The following GRAMD2B variants were observed in gnomAD, a reference collection of about 807,000 sequenced individuals.
GRAMD2B encodes GRAM domain-containing protein 2B.
GRAMD2B carries 41 observed loss-of-function variants against 59.2 expected under a neutral mutation model. That is an observed-to-expected ratio of 0.69 (90% confidence interval 0.54 to 0.90). The LOEUF (loss-of-function observed/expected upper bound fraction) is 0.90, where lower values mean the gene tolerates loss of function less well. GRAMD2B is among the 40% of genes least tolerant of loss of function. The probability of loss-of-function intolerance (pLI) is 0.00; values close to 1 mark genes in which losing one functional copy is unlikely to be tolerated. For missense variants in GRAMD2B, 424 were observed against 500.5 expected (o/e 0.85, Z 1.46); for synonymous variants, 161 against 182.7 (o/e 0.88, Z 0.96).
chr5:126,410,576 A>C lies in GRAMD2B; in HGVS notation c.125+39009A>C, dbSNP rs111603015. 4.9e-3 allele frequency among the ~76,000 whole-genome samples: 750 copies of C among 152,238 alleles called. 13 individuals are homozygous for C. The highest frequency in any genetic ancestry group is 0.017 in the African/African-American group (723 of 41,538). ...CTTTGCTGCAGTTGCTTATCAGCTG[A>C]AGGAGATTTTGGGCTGAAACAATGG... On this transcript the variant is annotated intron_variant, in intron 1 of 8. Transcript: ENST00000506445.
intron 1 of GRAMD2B, among the ~76,000 whole-genome samples, chr5:126,385,218 C>T (rs1338089226): frequency 6.6e-6 from 1 of 151,996 alleles, no homozygotes; most frequent in Non-Finnish European, 1.5e-5. Flanking sequence ...ATACCGCAGG[C>T]CTTATGATTC....
In GRAMD2B at chr5:126,473,309, C is replaced by T; in HGVS notation, c.427C>T (p.Leu143Phe). ...LQKEILYQGK[L>F]FVSENWICFH... Reference sequence around the variant, plus strand: ...GAAAGAAATACTATACCAAGGAAAGCTCTTTGTATCAGAAAACTGGATTTG... The same window carrying T: ...GAAAGAAATACTATACCAAGGAAAGTTCTTTGTATCAGAAAACTGGATTTG... The change falls in exon 5 of 14, where the codon CTC (leucine) becomes TTC (phenylalanine). Residue 143 changes from leucine (L) to phenylalanine (F), a missense_variant. Leu to Phe is a conservative substitution (Grantham distance 22). Coordinates refer to ENST00000285689, the MANE Select transcript of GRAMD2B (RefSeq NM_023927.4). The T allele has an allele frequency of 1.9e-6, 3 of 1,543,106 alleles. No homozygotes were observed. The highest frequency in any genetic ancestry group is 2.6e-6 in the Non-Finnish European group (3 of 1,140,406).
chr5:126,483,417 T>G, intron 8 of GRAMD2B, 46 bp from the exon 9 acceptor site: 1 of 1,203,764 alleles, frequency 8.3e-7, no homozygotes, highest in Non-Finnish European at 1.2e-6. Context: ...CCTGCCTGTT[T>G]ACTAAGGGAA....
intron 13 of GRAMD2B, among the ~76,000 whole-genome samples, chr5:126,489,916 T>C (rs1289053272): frequency 1.3e-5 from 2 of 152,216 alleles, no homozygotes; most frequent in Admixed American, 6.5e-5. Context: ...AAATACAAAT[T>C]AGTAAAATTT....
intron 12 of GRAMD2B, among the ~76,000 whole-genome samples, chr5:126,487,613 T>G (rs1773190497): frequency 6.6e-6 from 1 of 152,230 alleles, no homozygotes; most frequent in African/African-American, 2.4e-5. Flanking sequence ...AGCCCAAGTT[T>G]TTGAAGTAGA....
intron 1 of GRAMD2B, among the ~76,000 whole-genome samples, chr5:126,443,813 G>T (rs1763697208): frequency 1.3e-5 from 2 of 152,212 alleles, no homozygotes; most frequent in Non-Finnish European, 1.5e-5. Flanking sequence ...ACTTTGGGAG[G>T]CTGAGGCAGG....
chr5:126,456,371 C>T (rs933684033), intron 1 of GRAMD2B, among the ~76,000 whole-genome samples: 1 of 136,452 alleles, frequency 7.3e-6, no homozygotes. Context: ...CCACCATACC[C>T]GGCTAAATTT....
At chr5:126,386,982 T>G (rs979900509) in intron 1 of GRAMD2B, among the ~76,000 whole-genome samples, 2 of 152,224 alleles carry the variant, frequency 1.3e-5, no homozygotes, top group African/African-American at 4.8e-5. Context: ...ATATATTCTT[T>G]TATAACCTAG....
chr5:126,368,643 C>T (rs187490427), upstream of GRAMD2B, among the ~76,000 whole-genome samples: 1 of 152,318 alleles, frequency 6.6e-6, no homozygotes, highest in Admixed American at 6.5e-5. Flanking sequence ...TTACCACTCT[C>T]TGCTGGCTTC....
intron 1 of GRAMD2B, among the ~76,000 whole-genome samples, chr5:126,462,930 A>G (rs540872807): frequency 6.6e-6 from 1 of 152,364 alleles, no homozygotes; most frequent in Admixed American, 6.5e-5. Context: ...CATCCTTGAA[A>G]GACATTGTTT....
chr5:126,481,026 T>C (rs923106471), intron 8 of GRAMD2B: 21 of 348,784 alleles, frequency 6.0e-5, no homozygotes, highest in East Asian at 4.1e-4. Context: ...GATTCACAAA[T>C]CTATTTGAGG....
Position 126,473,379 on chromosome 5 carries a change from T to TA in GRAMD2B, c.486+11_486+12insA. 9.0e-7 allele frequency: 1 copy of TA among 1,110,530 alleles called. No individual in the cohort carries two copies. Among genetic ancestry groups the TA allele is most frequent in the Non-Finnish European group, 1.3e-6 (1 of 771,710 alleles). The allele number at this position is 1,110,530 out of a possible 1,614,324, so 68.8% of individuals were successfully genotyped here. A position where few individuals can be genotyped will look rare whatever the true frequency, so the allele number is the denominator to read the frequency against. On this transcript the variant is annotated intron_variant, in intron 5 of 13. Coordinates refer to ENST00000285689, the MANE Select transcript of GRAMD2B (RefSeq NM_023927.4). Reference sequence around the variant, plus strand: ...GGAAAAGACACAAAGGTTGGTATAATTAAAAAAAAAAATGCTAACCCTATA... The same window carrying TA: ...GGAAAAGACACAAAGGTTGGTATAATATAAAAAAAAAAATGCTAACCCTATA...
rs1770073696 is a variant in GRAMD2B, at chr5:126,473,829, C to G, written c.486+461C>G. Reference sequence around the variant, plus strand: ...GGCCTATAAATAAGCTACTTATTAGCACTCCCTTTGTACCCTCACCAGCAC... The same window carrying G: ...GGCCTATAAATAAGCTACTTATTAGGACTCCCTTTGTACCCTCACCAGCAC... On this transcript the variant is annotated intron_variant, in intron 5 of 13. Coordinates refer to ENST00000285689, the MANE Select transcript of GRAMD2B (RefSeq NM_023927.4). Among the ~76,000 whole-genome samples the G allele has an allele frequency of 2.0e-5, 3 of 152,274 alleles. No individual in the cohort carries two copies. In the South Asian group the frequency reaches 6.2e-4, roughly 32 times the overall value.
chr5:126,462,848 A>G (rs928184338), intron 1 of GRAMD2B, among the ~76,000 whole-genome samples: 1 of 152,228 alleles, frequency 6.6e-6, no homozygotes, highest in Admixed American at 6.5e-5. Flanking sequence ...TGCTGAAGAC[A>G]AGACACAAGT....
At chr5:126,445,223 T>C (rs2126634685) in intron 1 of GRAMD2B, among the ~76,000 whole-genome samples, 1 of 152,332 alleles carries the variant, frequency 6.6e-6, no homozygotes, top group South Asian at 2.1e-4. Flanking sequence ...AGTAATGGGA[T>C]TACTGGGTCA....
intron 1 of GRAMD2B, among the ~76,000 whole-genome samples, chr5:126,446,136 T>A (rs12655281): frequency 0.29 from 44,276 of 152,024 alleles, 6,519 homozygotes; most frequent in Middle Eastern, 0.4. Flanking sequence ...CTCATTTTTT[T>A]AAAAATCAAT....
At chr5:126,417,777 A>G (rs1166652851) in intron 1 of GRAMD2B, among the ~76,000 whole-genome samples, 1 of 152,156 alleles carries the variant, frequency 6.6e-6, no homozygotes, top group African/African-American at 2.4e-5. Flanking sequence ...TCTCTCCAAC[A>G]CACTCTCCTA....
chr5:126,427,354 A>G (rs1387980929), intron 1 of GRAMD2B, among the ~76,000 whole-genome samples: 1 of 145,862 alleles, frequency 6.9e-6, no homozygotes, highest in East Asian at 2.0e-4. Context: ...GTTACTTTTA[A>G]TGAATTTCAA....
At position 126,371,594 on chromosome 5, in the gene GRAMD2B, C is replaced by T. The variant is rs531444668; in HGVS notation, c.125+27C>T. 1.2e-4 allele frequency: 150 copies of T among 1,266,786 alleles called. No homozygotes were observed. In the African/African-American group the frequency reaches 1.7e-3, roughly 14 times the overall value. 78.5% of individuals were successfully genotyped at this position (1,266,786 alleles called of 1,614,324 possible). ...TGGGTACAGCCTGGGCCTGGCCATC[C>T]ACGTCTGTCCCCCTGGTGGCCTCAG... On this transcript the variant is annotated intron_variant, in intron 1 of 8. Coordinates refer to the GRAMD2B transcript ENST00000506445.
Sources: gnomAD v4.1 joint callset for allele counts (sites outside exome capture counted in the v4.1 genomes callset) on GRCh38, gnomAD v4.1.1 for gene constraint, MANE v1.5 for transcripts, NCBI Gene and HGNC (gene_info 2026-07-23, HGNC 2026-07-21) for gene names.